The following LRRFIP1 variants were observed in gnomAD, a reference collection of about 807,000 sequenced individuals.
The protein encoded by LRRFIP1 is leucine-rich repeat flightless-interacting protein 1.
A neutral mutation model predicts 104.4 loss-of-function variants in LRRFIP1; 62 were observed. The observed-to-expected ratio is 0.59, with a 90% confidence interval of 0.48 to 0.73. The LOEUF (loss-of-function observed/expected upper bound fraction) is 0.73, where lower values mean the gene tolerates loss of function less well. Ranked by LOEUF, LRRFIP1 falls within the 30% of genes least tolerant of loss-of-function variation. LRRFIP1 has a pLI of 0.00. For synonymous variants in LRRFIP1, 300 were observed against 299.0 expected (o/e 1.00, Z -0.03); for missense variants, 796 against 824.5 (o/e 0.97, Z 0.42).
intron 1 of LRRFIP1, among the ~76,000 whole-genome samples, chr2:237,705,181 C>T (rs776033852): frequency 2.6e-5 from 4 of 152,240 alleles, no homozygotes; most frequent in Middle Eastern, 3.4e-3. Context: ...AGCAGGCAGG[C>T]GGGGAAGTGG....
At chr2:237,632,886 A>T (rs1458177075) in intron 1 of LRRFIP1, among the ~76,000 whole-genome samples, 1 of 152,222 alleles carries the variant, frequency 6.6e-6, no homozygotes, top group Non-Finnish European at 1.5e-5. Context: ...CCTGCACGCA[A>T]CCAAGATGTC....
intron 1 of LRRFIP1, among the ~76,000 whole-genome samples, chr2:237,700,651 AT>A (rs1306263951): frequency 6.6e-6 from 1 of 152,188 alleles, no homozygotes. Flanking sequence ...TCCATCTGAC[AT>A]CTGAGGAGAG....
At chr2:237,765,506 C>T (rs2060204115) in intron 19 of LRRFIP1, 2 of 874,646 alleles carry the variant, frequency 2.3e-6, no homozygotes, top group South Asian at 5.4e-5. Flanking sequence ...AATCATCATT[C>T]AAAAGAGCAG....
At chr2:237,697,004 T>G (rs1395602486) in intron 1 of LRRFIP1, among the ~76,000 whole-genome samples, 1 of 152,208 alleles carries the variant, frequency 6.6e-6, no homozygotes. Context: ...GAAGAGAACA[T>G]TCAAAGAACG....
chr2:237,670,234 G>A (rs1225767876), intron 1 of LRRFIP1, among the ~76,000 whole-genome samples: 4 of 151,536 alleles, frequency 2.6e-5, no homozygotes, highest in Admixed American at 6.6e-5. Context: ...GTCCTGCACC[G>A]GGACGTCAGT....
intron 1 of LRRFIP1, among the ~76,000 whole-genome samples, chr2:237,694,487 C>T (rs1257491748): frequency 2.0e-5 from 3 of 152,014 alleles, no homozygotes; most frequent in Non-Finnish European, 4.4e-5. Flanking sequence ...GGGGGTAGGG[C>T]GTCACCCAGC....
At chr2:237,763,782 G>C (rs11680012) in intron 19 of LRRFIP1, 69,085 of 1,614,196 alleles carry the variant, frequency 0.043, 1,618 homozygotes, top group Middle Eastern at 0.069. Context: ...TCAGGCCCGA[G>C]GGCTGGTGGT....
chr2:237,690,206 AC>A (rs2092671322), intron 1 of LRRFIP1, among the ~76,000 whole-genome samples: 1 of 152,168 alleles, frequency 6.6e-6, no homozygotes, highest in Admixed American at 6.5e-5. Context: ...CAGTCCCAGT[AC>A]CCTGCTCTGG....
chr2:237,723,701 G>A, intron 7 of LRRFIP1, 115 bp downstream of exon 7: 1 of 1,302,292 alleles, frequency 7.7e-7, no homozygotes, highest in Non-Finnish European at 1.1e-6. Flanking sequence ...TTGCCTGGGG[G>A]GCTATGAGGC....
In LRRFIP1 at chr2:237,780,823, TAAGA is replaced by T. The variant is rs1406991847; in HGVS notation, c.*1296_*1299del. 6.6e-6 allele frequency among the ~76,000 whole-genome samples: 1 copy of T among 152,168 alleles called. No individual in the cohort carries two copies. The highest frequency in any genetic ancestry group is 1.5e-5 in the Non-Finnish European group (1 of 68,036). On this transcript the variant is annotated 3_prime_UTR_variant, in exon 24 of 24. Coordinates refer to ENST00000308482, the MANE Select transcript of LRRFIP1 (RefSeq NM_001137550.2). ...TAGGATATACACAGCTGCGTTGCATTAAGAAAGAGATGAAATCTCTATTAAAATA... is the reference window on the plus strand; with the variant it reads ...TAGGATATACACAGCTGCGTTGCATTAAGAGATGAAATCTCTATTAAAATA...
At chr2:237,666,718 GCTTT>G (rs1335343988) in intron 1 of LRRFIP1, among the ~76,000 whole-genome samples, 2 of 139,350 alleles carry the variant, frequency 1.4e-5, no homozygotes, top group African/African-American at 5.3e-5. Context: ...AGTGGAGTGC[GCTTT>G]CTTTCTTTTG....
chr2:237,629,463 T>C (rs1206762013), intron 1 of LRRFIP1, among the ~76,000 whole-genome samples: 1 of 130,770 alleles, frequency 7.6e-6, no homozygotes, highest in Non-Finnish European at 1.7e-5. Flanking sequence ...GGTGTTTCTT[T>C]CTTCTTTTTT....
chr2:237,692,549 C>G, intron 1 of LRRFIP1: 1 of 1,496,732 alleles, frequency 6.7e-7, no homozygotes, highest in Admixed American at 2.2e-5. Flanking sequence ...CCGAAACTTT[C>G]TTTCGTGACT....
chr2:237,736,001 A>G lies in LRRFIP1; in HGVS notation c.555+668A>G, dbSNP rs74001285. On this transcript the variant is annotated intron_variant, in intron 10 of 23. Transcript: ENST00000308482. ...TCCTGTATTCAGAGGCTCCTCCCCA[A>G]TCCTATAAAAATGTCTTCAAGCCCT... Among the ~76,000 whole-genome samples the G allele has an allele frequency of 5.3e-3, 806 of 152,294 alleles. 5 individuals are homozygous for G. The highest frequency in any genetic ancestry group is 0.015 in the African/African-American group (622 of 41,556).
chr2:237,750,947 T>C (rs3769063), intron 13 of LRRFIP1, among the ~76,000 whole-genome samples: 19,070 of 152,238 alleles, frequency 0.13, 1,563 homozygotes, highest in African/African-American at 0.22. Flanking sequence ...CTCTATTTTG[T>C]CTGTTTTTTA....
chr2:237,764,039 G>C, intron 19 of LRRFIP1: 1 of 1,614,198 alleles, frequency 6.2e-7, no homozygotes, highest in Non-Finnish European at 8.5e-7. Context: ...TGACTTGTCG[G>C]CACCAGGAAG....
Position 237,654,975 on chromosome 2 carries a change from G to A in LRRFIP1, c.96+27235G>A, listed in dbSNP as rs1486699830. Among the ~76,000 whole-genome samples the A allele has an allele frequency of 2.6e-5, 4 of 151,882 alleles. No individual in the cohort carries two copies. The South Asian group carries it at 8.3e-4, about 32-fold the overall frequency. ...AGAAAATGTGGTATCGAGACACAAT[G>A]GAGTACTCTTCAGCCTTCAACATGA... is the stretch of plus-strand genomic sequence containing the variant. On this transcript the variant is annotated intron_variant, in intron 1 of 23. Transcript: ENST00000308482.
At chr2:237,664,873 A>AT (rs1260457095) in intron 1 of LRRFIP1, among the ~76,000 whole-genome samples, 1 of 152,150 alleles carries the variant, frequency 6.6e-6, no homozygotes, top group African/African-American at 2.4e-5. Context: ...GAGCACCCAG[A>AT]TTTCCATCCT....
intron 19 of LRRFIP1, among the ~76,000 whole-genome samples, chr2:237,762,267 A>T (rs536728568): frequency 2.0e-5 from 3 of 152,198 alleles, no homozygotes; most frequent in Non-Finnish European, 4.4e-5. Flanking sequence ...GTCTGTTCCT[A>T]AACCCATCAT....
Sources: gnomAD v4.1 joint callset for allele counts (sites outside exome capture counted in the v4.1 genomes callset) on GRCh38, gnomAD v4.1.1 for gene constraint, MANE v1.5 for transcripts, NCBI Gene and HGNC (gene_info 2026-07-23, HGNC 2026-07-21) for gene names.